The following KCTD4 variants were observed in gnomAD, a reference collection of about 807,000 sequenced individuals.
The protein encoded by KCTD4 is BTB/POZ domain-containing protein KCTD4.
Under a neutral mutation model 18.3 loss-of-function variants are expected in KCTD4, and 12 were observed. The ratio of observed to expected loss-of-function variants is 0.66; its 90% confidence interval spans 0.42 to 1.06. The LOEUF is 1.06. Among genes scored for constraint, KCTD4 ranks in the 50% least tolerant of loss-of-function variants. The pLI is 0.00. For synonymous variants in KCTD4, 124 were observed against 110.5 expected, an observed-to-expected ratio of 1.12 and a Z score of -0.76; for missense variants, 250 against 303.4, an observed-to-expected ratio of 0.82 and a Z score of 1.31.
chr13:45,196,336 A>G (rs1018511642), intron 1 of KCTD4, among the ~76,000 whole-genome samples: 1 of 152,212 alleles, frequency 6.6e-6, no homozygotes, highest in Non-Finnish European at 1.5e-5. Context: ...ATTTTGACTA[A>G]AACGTCCTTT....
intron 1 of KCTD4, among the ~76,000 whole-genome samples, chr13:45,197,154 A>G (rs1448902465): frequency 6.6e-6 from 1 of 151,776 alleles, no homozygotes; most frequent in African/African-American, 2.4e-5. Context: ...GGCTTATACA[A>G]ATCCATAGGA....
chr13:45,194,588 G>A lies in KCTD4; in HGVS notation c.-21C>T, dbSNP rs1829451216. On this transcript the variant is annotated 5_prime_UTR_variant, in exon 2 of 2. Coordinates refer to ENST00000379108, the MANE Select transcript of KCTD4 (RefSeq NM_198404.3). The stretch of plus-strand genomic sequence containing the variant: ...TCCATTTTTTGAAGATGCTATTTCA[G>A]CTTGTTCTTCTTGGCTTTGAGATTT... 6.3e-7 allele frequency: 1 copy of A among 1,593,796 alleles called. No homozygotes were observed. Among genetic ancestry groups the A allele is most frequent in the Non-Finnish European group, 8.5e-7 (1 of 1,169,886 alleles).
chr13:45,197,415 A>G (rs1872954388), intron 1 of KCTD4, among the ~76,000 whole-genome samples: 1 of 150,768 alleles, frequency 6.6e-6, no homozygotes, highest in African/African-American at 2.4e-5. Context: ...AGGCTGAGGC[A>G]GGAGAATCGC....
rs901286870 is a variant in KCTD4, at chr13:45,194,693, G to A, written c.-126C>T. On this transcript the variant is annotated 5_prime_UTR_variant, in exon 2 of 2. Transcript: ENST00000379108. ...ATGGAATGGAAACGCTGGCAGCATC[G>A]CCTGCGCTGTCAGCTCGGTTTTGCA... 31 of 848,922 alleles carry A rather than the reference G, an allele frequency of 3.7e-5. No individual in the cohort carries two copies. The East Asian group carries it at 4.7e-4, about 13-fold the overall frequency. 52.6% of individuals were successfully genotyped at this position (848,922 alleles called of 1,614,324 possible).
Position 45,194,303 on chromosome 13 carries a change from C to T in KCTD4, c.265G>A (p.Val89Ile), listed in dbSNP as rs1593483400. 6.2e-7 allele frequency: 1 copy of T among 1,614,170 alleles called. No individual in the cohort carries two copies. Among genetic ancestry groups the T allele is most frequent in the Non-Finnish European group, 8.5e-7 (1 of 1,180,018 alleles). Residue 89 changes from valine (V) to isoleucine (I), a missense_variant, in exon 2 of 2, where the codon GTC becomes ATC. Physicochemically the swap from Val to Ile is conservative, Grantham distance 29. Coordinates refer to ENST00000379108, the MANE Select transcript of KCTD4 (RefSeq NM_198404.3). ...IDRDGLLFRH[V>I]LNFLRNGELL... ...TCTCCATTTCGTAGGAAGTTTAGGA[C>T]ATGCCTGAAGAGGAGACCATCCCTG...
chr13:45,195,720 C>A (rs1488963488), intron 1 of KCTD4, among the ~76,000 whole-genome samples: 1 of 152,200 alleles, frequency 6.6e-6, no homozygotes, highest in Non-Finnish European at 1.5e-5. Context: ...CATTTAAAGG[C>A]TCAGTGGTAA....
intron 1 of KCTD4, 30 bp from the exon 2 acceptor site, chr13:45,194,784 T>C: frequency 1.8e-6 from 1 of 560,534 alleles, no homozygotes; most frequent in South Asian, 2.7e-5. Context: ...AGAATTTGCA[T>C]TTAACTGTAT....
chr13:45,196,892 G>A (rs571134689), intron 1 of KCTD4, among the ~76,000 whole-genome samples: 1 of 152,172 alleles, frequency 6.6e-6, no homozygotes, highest in Admixed American at 6.5e-5. Flanking sequence ...TCACCCCAGG[G>A]CCACCTTACA....
rs1450022311 is a variant in KCTD4, at chr13:45,200,960, C to T, written c.-324G>A. Reference sequence around the variant, plus strand: ...CAGCCTGAAATGTTGGTCAGTAGTCCTCTGGTCTGGGTTTTTACAGGAGCT... The same window carrying T: ...CAGCCTGAAATGTTGGTCAGTAGTCTTCTGGTCTGGGTTTTTACAGGAGCT... On this transcript the variant is annotated 5_prime_UTR_variant, in exon 1 of 2. Coordinates refer to ENST00000379108, the MANE Select transcript of KCTD4 (RefSeq NM_198404.3). 6.6e-6 allele frequency among the ~76,000 whole-genome samples: 1 copy of T among 152,086 alleles called. No homozygotes were observed. Among genetic ancestry groups the T allele is most frequent in the Non-Finnish European group, 1.5e-5 (1 of 68,018 alleles).
intron 1 of KCTD4, among the ~76,000 whole-genome samples, chr13:45,198,727 T>G (rs895536175): frequency 6.6e-6 from 1 of 152,172 alleles, no homozygotes; most frequent in Non-Finnish European, 1.5e-5. Context: ...TTTATTGATC[T>G]GTGTTTTGAC....
At chr13:45,198,176 T>G (rs1872997325) in intron 1 of KCTD4, among the ~76,000 whole-genome samples, 1 of 152,214 alleles carries the variant, frequency 6.6e-6, no homozygotes, top group Admixed American at 6.5e-5. Flanking sequence ...AACCTTCCAC[T>G]ATGAGGTAAT....
chr13:45,195,238 T>C (rs1033464583), intron 1 of KCTD4, among the ~76,000 whole-genome samples: 2 of 152,244 alleles, frequency 1.3e-5, no homozygotes, highest in East Asian at 1.9e-4. Flanking sequence ...TTAAAGGATG[T>C]TAAGAATTTT....
Position 45,194,589 on chromosome 13 carries a change from C to G in KCTD4, c.-22G>C, listed in dbSNP as rs753181440. The G allele has an allele frequency of 6.9e-6, 11 of 1,590,240 alleles. No homozygotes were observed. The Admixed American group carries it at 1.8e-4, about 26-fold the overall frequency. On this transcript the variant is annotated 5_prime_UTR_variant, in exon 2 of 2. Transcript: ENST00000379108. ...CCATTTTTTGAAGATGCTATTTCAGCTTGTTCTTCTTGGCTTTGAGATTTT... is the reference window on the plus strand; with the variant it reads ...CCATTTTTTGAAGATGCTATTTCAGGTTGTTCTTCTTGGCTTTGAGATTTT...
rs751694080 is a variant in KCTD4 at position 45,195,002 on chromosome 13, GA to G, written c.-187-249del. On this transcript the variant is annotated intron_variant, in intron 1 of 1. Transcript: ENST00000379108. ...TGTTGAATAATATTGTCATCTTTTG[GA>G]AAATAATGTATATTGATTTAGTGTC... Among the ~76,000 whole-genome samples the G allele has an allele frequency of 3.3e-5, 5 of 152,190 alleles. No individual in the cohort carries two copies. The East Asian group carries it at 9.7e-4, about 29-fold the overall frequency.
intron 1 of KCTD4, among the ~76,000 whole-genome samples, chr13:45,195,916 A>T (rs897294704): frequency 4.6e-5 from 7 of 152,198 alleles, no homozygotes; most frequent in African/African-American, 1.7e-4. Flanking sequence ...TCAGCCTCCC[A>T]GAGTGCTGGG....
chr13:45,198,294 C>G (rs998996796), intron 1 of KCTD4, among the ~76,000 whole-genome samples: 2 of 152,210 alleles, frequency 1.3e-5, no homozygotes, highest in African/African-American at 2.4e-5. Context: ...GTGATTGATG[C>G]AGGACATCAT....
chr13:45,199,705 G>A (rs1308902495), intron 1 of KCTD4, among the ~76,000 whole-genome samples: 1 of 152,136 alleles, frequency 6.6e-6, no homozygotes, highest in Non-Finnish European at 1.5e-5. Context: ...GATATTTTAA[G>A]CTAATAACCA....
At chr13:45,196,774 C>T (rs1489104804) in intron 1 of KCTD4, among the ~76,000 whole-genome samples, 2 of 152,172 alleles carry the variant, frequency 1.3e-5, no homozygotes, top group African/African-American at 4.8e-5. Context: ...TAGATGTCTT[C>T]ATGGGAAGCC....
rs539886664 is a variant in KCTD4, at chr13:45,194,491, T to C, written c.77A>G (p.Gln26Arg). 5.6e-6 allele frequency: 9 copies of C among 1,614,184 alleles called. No individual in the cohort carries two copies. In the East Asian group the frequency reaches 1.8e-4, roughly 32 times the overall value. ...GKHNSLEDTDQGKNCKSTLMT... is the reference protein window; with the variant it reads ...GKHNSLEDTDRGKNCKSTLMT... ...CAGTGTGGATTTGCAGTTCTTTCCTTGATCAGTATCTTCCAGGCTGTTGTG... is the reference window on the plus strand; with the variant it reads ...CAGTGTGGATTTGCAGTTCTTTCCTCGATCAGTATCTTCCAGGCTGTTGTG... Residue 26 changes from glutamine to arginine, a missense_variant, in exon 2 of 2, where the codon CAA (glutamine) becomes CGA (arginine). Gln to Arg is a conservative substitution (Grantham distance 43). Coordinates refer to ENST00000379108, the MANE Select transcript of KCTD4 (RefSeq NM_198404.3).
Sources: gnomAD v4.1 joint callset for allele counts (sites outside exome capture counted in the v4.1 genomes callset) on GRCh38, gnomAD v4.1.1 for gene constraint, MANE v1.5 for transcripts, NCBI Gene and HGNC (gene_info 2026-07-23, HGNC 2026-07-21) for gene names.